SUSD4: variants seen among roughly 807,000 people sequenced by gnomAD.
SUSD4 encodes the protein sushi domain-containing protein 4.
A neutral mutation model predicts 50.5 loss-of-function variants in SUSD4; 41 were observed. The ratio of observed to expected loss-of-function variants is 0.81; its 90% CI spans 0.63 to 1.05. The LOEUF (loss-of-function observed/expected upper bound fraction) is 1.05. SUSD4 is among the 50% of genes least tolerant of loss of function. The pLI, the probability that SUSD4 is intolerant of heterozygous loss-of-function variation, is 0.00. For missense variants in SUSD4, 580 were observed against 634.7 expected, an observed-to-expected ratio of 0.91 and a Z score of 0.93; for synonymous variants, 257 against 257.3, an observed-to-expected ratio of 1.00 and a Z score of 0.01.
rs112228650 is a variant in SUSD4, at chr1:223,229,705, T to A, written c.725-317A>T. 7.9e-5 allele frequency among the ~76,000 whole-genome samples: 12 copies of A among 152,248 alleles called. No individual in the cohort carries two copies. The highest frequency in any genetic ancestry group is 2.9e-4 in the African/African-American group (12 of 41,460). On this transcript the variant is annotated intron_variant, in intron 5 of 8. Coordinates refer to ENST00000366878, the MANE Select transcript of SUSD4 (RefSeq NM_017982.4). The surrounding 1 kb of genome is among the most constrained non-coding windows in gnomAD (Gnocchi z 4.7). ...ATTAAGCTACTGTATTAATAATGCA[T>A]GCTATTATGTGCCAGACAACCTAGT...
chr1:223,226,932 C>T (rs1267328256), intron 7 of SUSD4, among the ~76,000 whole-genome samples: 1 of 152,150 alleles, frequency 6.6e-6, no homozygotes, highest in Non-Finnish European at 1.5e-5. Context: ...TGCTGGGTGG[C>T]TCTTCTTTGT....
At chr1:223,326,029 T>G (rs759578612) in intron 2 of SUSD4, among the ~76,000 whole-genome samples, 4 of 152,030 alleles carry the variant, frequency 2.6e-5, no homozygotes, top group Non-Finnish European at 5.9e-5. Flanking sequence ...ATCCTAAAAT[T>G]CATATGGTAC....
intron 5 of SUSD4, among the ~76,000 whole-genome samples, chr1:223,233,026 C>T (rs1387798005): frequency 6.6e-6 from 1 of 152,168 alleles, no homozygotes; most frequent in Non-Finnish European, 1.5e-5. Flanking sequence ...GCTGCCCTTC[C>T]CGTACTGGGG....
intron 2 of SUSD4, among the ~76,000 whole-genome samples, chr1:223,302,460 G>A (rs142004209): frequency 6.6e-4 from 101 of 152,210 alleles, no homozygotes; most frequent in African/African-American, 2.3e-3. Context: ...AGGCTGGTCC[G>A]TGCCCTTGCC....
intron 2 of SUSD4, among the ~76,000 whole-genome samples, chr1:223,323,086 T>C (rs970958712): frequency 6.6e-6 from 1 of 152,034 alleles, no homozygotes; most frequent in Non-Finnish European, 1.5e-5. Context: ...AAGGAGGTGC[T>C]GAAGAGCAGT....
intron 5 of SUSD4, among the ~76,000 whole-genome samples, chr1:223,248,459 C>A (rs1661088225): frequency 6.6e-6 from 1 of 152,192 alleles, no homozygotes; most frequent in South Asian, 2.1e-4. Flanking sequence ...GTAATGATTC[C>A]AGGAAGTTGC....
At position 223,364,022 on chromosome 1, in the gene SUSD4, G is replaced by C. The variant is rs1432211374; in HGVS notation, c.-36+35C>G. 2.0e-5 allele frequency: 3 copies of C among 151,784 alleles called. No individual in the cohort carries two copies. The highest frequency in any genetic ancestry group is 4.4e-5 in the Non-Finnish European group (3 of 68,028). The allele number at this position is 151,784 out of a possible 1,614,324, so 9.4% of individuals were successfully genotyped here. ...CTCCCCGGCCTGCGCGCGCCTCCTC[G>C]GAATGGAAGACCCTTCCGGGACTGT... On this transcript the variant is annotated intron_variant, in intron 1 of 8. Transcript: ENST00000366878. The surrounding 1 kb of genome is among the most constrained non-coding windows in gnomAD (Gnocchi z 4.5).
rs757249711 is a variant in SUSD4, at chr1:223,264,688, A to C, written c.666T>G (p.Leu222=). 7.4e-6 allele frequency: 12 copies of C among 1,614,232 alleles called. No homozygotes were observed. Among genetic ancestry groups the C allele is most frequent in the Non-Finnish European group, 8.5e-6 (10 of 1,180,028 alleles). ...PGFKLDGSAY[L]ECLQNLIWSS... is the part of the protein sequence containing the mutation. ...ACCAGATAAGGTTTTGTAAGCACTC[A>C]AGATACGCAGACCCATCAAGTTTAA... Residue 222 remains leucine (L), a synonymous_variant, in exon 5 of 9, where the codon CTT becomes CTG. Transcript: ENST00000366878.
intron 2 of SUSD4, among the ~76,000 whole-genome samples, chr1:223,323,566 G>C (rs886748785): frequency 6.6e-6 from 1 of 152,148 alleles, no homozygotes; most frequent in African/African-American, 2.4e-5. Context: ...GACAGGGATG[G>C]GGGCTTCATA....
At chr1:223,313,158 G>A (rs1428696604) in intron 2 of SUSD4, among the ~76,000 whole-genome samples, 2 of 152,174 alleles carry the variant, frequency 1.3e-5, no homozygotes, top group African/African-American at 2.4e-5. Flanking sequence ...CAGGATGGGG[G>A]CTGGCCATGC....
intron 4 of SUSD4, among the ~76,000 whole-genome samples, chr1:223,265,547 C>T (rs960679844): frequency 3.9e-5 from 6 of 152,230 alleles, no homozygotes; most frequent in Non-Finnish European, 7.3e-5. Flanking sequence ...GCTGCTGCTG[C>T]TGCCACTGCC....
At chr1:223,294,437 C>T (rs762593200) in intron 2 of SUSD4, among the ~76,000 whole-genome samples, 1 of 152,228 alleles carries the variant, frequency 6.6e-6, no homozygotes, top group Non-Finnish European at 1.5e-5. Flanking sequence ...TGAATTCCCC[C>T]ACCCCAGCTT....
Position 223,332,101 on chromosome 1 carries a change from T to C in SUSD4, c.148+31177A>G, listed in dbSNP as rs1667209350. 6.6e-6 allele frequency among the ~76,000 whole-genome samples: 1 copy of C among 152,202 alleles called. No individual in the cohort carries two copies. The highest frequency in any genetic ancestry group is 1.5e-5 in the Non-Finnish European group (1 of 68,034). On this transcript the variant is annotated intron_variant, in intron 2 of 8. Coordinates refer to ENST00000366878, the MANE Select transcript of SUSD4 (RefSeq NM_017982.4). The surrounding 1 kb of genome is among the most constrained non-coding windows in gnomAD (Gnocchi z 4.0). The stretch of plus-strand genomic sequence containing the variant: ...GTGTGAGCCTGGTTACAAAGCCCCC[T>C]ATTCTCCAGTTGCTGATTTCTAGTC...
intron 2 of SUSD4, among the ~76,000 whole-genome samples, chr1:223,330,327 T>G (rs1411719986): frequency 6.6e-6 from 1 of 152,194 alleles, no homozygotes; most frequent in Non-Finnish European, 1.5e-5. Flanking sequence ...CATATCACTG[T>G]TCTCACTCAT....
chr1:223,235,674 T>C (rs930746292), intron 5 of SUSD4, among the ~76,000 whole-genome samples: 2 of 152,212 alleles, frequency 1.3e-5, no homozygotes, highest in Non-Finnish European at 2.9e-5. Context: ...AGTTTCTTCA[T>C]ATCTTTTCAT....
intron 2 of SUSD4, among the ~76,000 whole-genome samples, chr1:223,312,672 G>T (rs1253922361): frequency 2.0e-5 from 3 of 152,346 alleles, no homozygotes; most frequent in East Asian, 1.9e-4. Flanking sequence ...TACCTGGATT[G>T]TTAAACTGAG....
In SUSD4 at chr1:223,323,882, G is replaced by C. The variant is rs1239625714; in HGVS notation, c.149-31231C>G. On this transcript the variant is annotated intron_variant, in intron 2 of 8. Coordinates refer to ENST00000366878, the MANE Select transcript of SUSD4 (RefSeq NM_017982.4). Reference sequence around the variant, plus strand: ...ACATCTGAGAAGCAGAAACAACCCAGATAGAAAGTCTGAACCTGGAATCAA... The same window carrying C: ...ACATCTGAGAAGCAGAAACAACCCACATAGAAAGTCTGAACCTGGAATCAA... Among the ~76,000 whole-genome samples, 3 of 151,942 alleles carry C rather than the reference G, an allele frequency of 2.0e-5. No homozygotes were observed. The East Asian group carries it at 5.8e-4, about 29-fold the overall frequency.
chr1:223,316,761 C>T (rs1018395077), intron 2 of SUSD4, among the ~76,000 whole-genome samples: 2 of 152,068 alleles, frequency 1.3e-5, no homozygotes, highest in Admixed American at 1.3e-4. Context: ...GCCCAAGGTC[C>T]CCAAGTTAGT....
intron 2 of SUSD4, among the ~76,000 whole-genome samples, chr1:223,324,712 T>C (rs1364484117): frequency 6.6e-6 from 1 of 150,958 alleles, no homozygotes; most frequent in East Asian, 1.9e-4. Context: ...TAGAGGGGCC[T>C]GCAGACTTCC....
Sources: allele counts gnomAD v4.1 joint callset (sites outside exome capture counted in the v4.1 genomes callset), GRCh38; gene constraint gnomAD v4.1.1; non-coding constraint Gnocchi (gnomAD v3.1); transcripts MANE v1.5; gene names NCBI Gene and HGNC (gene_info 2026-07-23, HGNC 2026-07-21).